CHN1: variants seen among roughly 807,000 people sequenced by gnomAD.
The protein encoded by CHN1 is N-chimaerin.
In CHN1, 37 loss-of-function variants were observed where a neutral mutation model predicts 59.5. The ratio of observed to expected loss-of-function variants is 0.62; its 90% CI spans 0.48 to 0.82. The LOEUF is 0.82. Among genes scored for constraint, CHN1 ranks in the 40% least tolerant of loss-of-function variants. CHN1 has a pLI of 0.00. For missense variants in CHN1, 469 were observed against 571.0 expected, an observed-to-expected ratio of 0.82 and a Z score of 1.82; for synonymous variants, 206 against 200.4, an observed-to-expected ratio of 1.03 and a Z score of -0.24.
At position 174,799,394 on chromosome 2, in the gene CHN1, A is replaced by AT. The variant is rs1292278256; in HGVS notation, c.*721dup. On this transcript the variant is annotated 3_prime_UTR_variant, in exon 13 of 13. Transcript: ENST00000409900. ...TATGAGAAAAAAGTAAGCTATCAAT[A>AT]TTTTTTATTTCTAAAAGCCAATTTA... The AT allele has an allele frequency of 2.3e-6, 1 of 431,704 alleles. No individual in the cohort carries two copies. Among genetic ancestry groups the AT allele is most frequent in the Non-Finnish European group, 4.4e-6 (1 of 227,238 alleles). 26.7% of individuals were successfully genotyped at this position (431,704 alleles called of 1,614,324 possible). A position where few individuals can be genotyped will look rare whatever the true frequency, so the allele number is the denominator to read the frequency against.
Position 175,004,920 on chromosome 2 carries a change from G to T in CHN1, c.-8C>A. 5.9e-6 allele frequency: 9 copies of T among 1,535,466 alleles called. No homozygotes were observed. The highest frequency in any genetic ancestry group is 7.9e-6 in the Non-Finnish European group (9 of 1,145,274). On this transcript the variant is annotated 5_prime_UTR_variant, in exon 1 of 13. Transcript: ENST00000409900. ...AAACAGGGTCAGGGCCATTGTAAAG[G>T]CGCTCGCCGCCGCCCGCGAGTCCAG... is the stretch of plus-strand genomic sequence containing the variant.
At chr2:174,862,010 TAA>T (rs1045427179) in intron 6 of CHN1, among the ~76,000 whole-genome samples, 3 of 152,208 alleles carry the variant, frequency 2.0e-5, no homozygotes, top group African/African-American at 7.2e-5. Context: ...TTAGTAAGCC[TAA>T]AGTCTGATCA....
chr2:174,800,969 G>A (rs1684700724), intron 12 of CHN1, among the ~76,000 whole-genome samples: 1 of 152,146 alleles, frequency 6.6e-6, no homozygotes, highest in African/African-American at 2.4e-5. Context: ...ATTCATGAGT[G>A]ACTAAAATAT....
intron 1 of CHN1, among the ~76,000 whole-genome samples, chr2:174,963,582 A>AC (rs1690490899): frequency 6.6e-6 from 1 of 152,184 alleles, no homozygotes. Context: ...ATAAAGATAT[A>AC]CTGAGGAAAG....
intron 5 of CHN1, among the ~76,000 whole-genome samples, chr2:174,908,539 C>G (rs1043544503): frequency 1.3e-5 from 2 of 152,220 alleles, no homozygotes; most frequent in African/African-American, 4.8e-5. Flanking sequence ...AGTCCCTCAG[C>G]AGACTGCCAT....
chr2:174,962,191 A>G (rs1341879068), intron 1 of CHN1, among the ~76,000 whole-genome samples: 1 of 152,120 alleles, frequency 6.6e-6, no homozygotes, highest in Non-Finnish European at 1.5e-5. Flanking sequence ...AGGCTGAGGC[A>G]GGAGAATCGC....
At chr2:174,819,250 A>G (rs1685394496) in intron 8 of CHN1, among the ~76,000 whole-genome samples, 1 of 152,208 alleles carries the variant, frequency 6.6e-6, no homozygotes. Context: ...AGTTAAAATA[A>G]AAAACATTAC....
chr2:174,980,642 G>C lies in CHN1; in HGVS notation c.19+24252C>G, dbSNP rs183066787. On this transcript the variant is annotated intron_variant, in intron 1 of 12. Transcript: ENST00000409900. ...GAGATATGCCTGGTTTCCTAAGAGT[G>C]ATGAAGATGCTCTGTTTTTCCTTGA... Among the ~76,000 whole-genome samples the C allele has an allele frequency of 4.2e-3, 638 of 152,262 alleles. 9 individuals carry two copies. The highest frequency in any genetic ancestry group is 0.015 in the African/African-American group (614 of 41,550).
At chr2:174,974,170 GGTTT>G (rs1690846772) in intron 1 of CHN1, among the ~76,000 whole-genome samples, 1 of 152,066 alleles carries the variant, frequency 6.6e-6, no homozygotes, top group Non-Finnish European at 1.5e-5. Context: ...GTGGATAATC[GGTTT>G]GTTTTAAAAT....
chr2:174,865,908 A>G (rs945062492), intron 6 of CHN1, among the ~76,000 whole-genome samples: 3 of 152,198 alleles, frequency 2.0e-5, no homozygotes, highest in Non-Finnish European at 4.4e-5. Flanking sequence ...GTGGTCATCT[A>G]TGAAGCTGAG....
intron 6 of CHN1, among the ~76,000 whole-genome samples, chr2:174,854,812 G>C (rs1014812445): frequency 2.0e-5 from 3 of 152,136 alleles, no homozygotes; most frequent in African/African-American, 7.2e-5. Context: ...ATCAGAGTTA[G>C]CATAATTTGT....
At chr2:174,841,934 A>G in intron 7 of CHN1, among the ~76,000 whole-genome samples, 1 of 152,230 alleles carries the variant, frequency 6.6e-6, no homozygotes, top group South Asian at 2.1e-4. Context: ...AAATATGTAC[A>G]CAGATTCTCT....
At chr2:174,915,332 T>C (rs1688815869) in intron 4 of CHN1, 161 bp from the exon 5 acceptor site, 2 of 619,854 alleles carry the variant, frequency 3.2e-6, no homozygotes, top group East Asian at 5.6e-5. Context: ...CTTGTGTTTC[T>C]CTGGACCTGG....
chr2:174,821,993 T>C (rs1241279012), intron 8 of CHN1, among the ~76,000 whole-genome samples: 3 of 152,202 alleles, frequency 2.0e-5, no homozygotes, highest in East Asian at 3.8e-4. Context: ...GTGCACTCTC[T>C]CTTTAAATTC....
chr2:174,918,604 T>C (rs1225724284), intron 3 of CHN1, 39 bp from the exon 4 acceptor site: 4 of 1,518,296 alleles, frequency 2.6e-6, no homozygotes, highest in Non-Finnish European at 3.6e-6. Flanking sequence ...TTTGTAAAAA[T>C]GCAAATGTGC....
chr2:174,910,724 G>A (rs1033700955), intron 5 of CHN1, among the ~76,000 whole-genome samples: 2 of 151,964 alleles, frequency 1.3e-5, no homozygotes, highest in Non-Finnish European at 2.9e-5. Context: ...CAGGACAGTG[G>A]TGACAATGAG....
intron 11 of CHN1, 56 bp from the exon 12 acceptor site, chr2:174,801,868 A>C: frequency 1.6e-6 from 2 of 1,240,492 alleles, no homozygotes; most frequent in African/African-American, 1.5e-5. Flanking sequence ...ACTGATACAA[A>C]TGGTTCACTG....
At chr2:174,877,788 T>G (rs1687613587) in intron 6 of CHN1, 52 bp downstream of exon 6, 1 of 1,536,758 alleles carries the variant, frequency 6.5e-7, no homozygotes, top group African/African-American at 1.4e-5. Flanking sequence ...AATGGCTTTC[T>G]TAAAAGAACC....
At chr2:174,895,839 C>T (rs1688203307) in intron 5 of CHN1, among the ~76,000 whole-genome samples, 2 of 152,002 alleles carry the variant, frequency 1.3e-5, no homozygotes, top group Non-Finnish European at 2.9e-5. Context: ...GCTCAACTCA[C>T]AAAAAACTGT....
Sources: gnomAD v4.1 joint callset for allele counts (sites outside exome capture counted in the v4.1 genomes callset) on GRCh38, gnomAD v4.1.1 for gene constraint, MANE v1.5 for transcripts, NCBI Gene and HGNC (gene_info 2026-07-23, HGNC 2026-07-21) for gene names.